SLC44A5: variants seen among roughly 807,000 people sequenced by gnomAD.
The protein encoded by SLC44A5 is choline transporter-like protein 5.
In SLC44A5, 57 loss-of-function variants were observed where a neutral mutation model predicts 101.8. The observed-to-expected ratio is 0.56, with a 90% CI of 0.45 to 0.70. The LOEUF (loss-of-function observed/expected upper bound fraction) is 0.70. SLC44A5 is among the 30% of genes least tolerant of loss of function. The pLI is 0.00. For missense variants in SLC44A5, 737 were observed against 853.1 expected (o/e 0.86, Z 1.70); for synonymous variants, 281 against 290.9 (o/e 0.97, Z 0.35).
At chr1:75,478,377 G>C (rs1231018487) in intron 2 of SLC44A5, among the ~76,000 whole-genome samples, 1 of 152,182 alleles carries the variant, frequency 6.6e-6, no homozygotes, top group Admixed American at 6.5e-5. Context: ...ACATCATAAT[G>C]ACAGGATCAA....
intron 1 of SLC44A5, among the ~76,000 whole-genome samples, chr1:75,595,222 A>G (rs1674567535): frequency 6.6e-6 from 1 of 152,122 alleles, no homozygotes; most frequent in Non-Finnish European, 1.5e-5. Context: ...GTATTAACTA[A>G]AGACTAACTC....
intron 2 of SLC44A5, among the ~76,000 whole-genome samples, chr1:75,503,421 C>CA (rs962456417): frequency 3.3e-5 from 5 of 152,022 alleles, no homozygotes; most frequent in Non-Finnish European, 7.4e-5. Context: ...AAGTGTGTAA[C>CA]ACTTCCCCCT....
chr1:75,678,420 C>T, the SLC44A5 span, among the ~76,000 whole-genome samples: 27 of 152,258 alleles, frequency 1.8e-4, no homozygotes, highest in South Asian at 4.1e-4. Flanking sequence ...GATCTGAGAA[C>T]GGGCAGATTG....
At chr1:75,227,193 C>A (rs1401738298) in intron 13 of SLC44A5, among the ~76,000 whole-genome samples, 1 of 151,926 alleles carries the variant, frequency 6.6e-6, no homozygotes, top group Non-Finnish European at 1.5e-5. Flanking sequence ...AGGGAGACCC[C>A]ATCTCTACAA....
At chr1:75,205,439 T>G (rs951125758) in intron 23 of SLC44A5, 2 of 152,210 alleles carry the variant, frequency 1.3e-5, no homozygotes, top group Non-Finnish European at 2.9e-5. Flanking sequence ...CATACACATT[T>G]GCACACAGGG....
intron 1 of SLC44A5, among the ~76,000 whole-genome samples, chr1:75,598,890 A>G (rs921295751): frequency 6.6e-6 from 1 of 152,192 alleles, no homozygotes; most frequent in East Asian, 1.9e-4. Flanking sequence ...AAGTTCACCT[A>G]TGTAACAAAC....
chr1:75,608,202 C>CAA (rs139572909), intron 1 of SLC44A5, among the ~76,000 whole-genome samples: 71 of 149,018 alleles, frequency 4.8e-4, no homozygotes, highest in Non-Finnish European at 8.3e-4. Context: ...AAACAAAAAA[C>CAA]AAAAAAAAAC....
rs183255199 is a variant in SLC44A5 at position 75,218,113 on chromosome 1, A to G, written c.1530-153T>C. ...CTTATTTAGATTGATAAAAGTCTCT[A>G]TAGAGGATTTTAAACCATATACATC... On this transcript the variant is annotated intron_variant, in intron 17 of 23. Transcript: ENST00000370859. Among the ~76,000 whole-genome samples, 253 of 152,270 alleles carry G rather than the reference A, an allele frequency of 1.7e-3. 1 individual carries two copies. The highest frequency in any genetic ancestry group is 5.9e-3 in the African/African-American group (246 of 41,572).
At chr1:75,328,536 C>G (rs1164559770) in intron 4 of SLC44A5, among the ~76,000 whole-genome samples, 1 of 152,162 alleles carries the variant, frequency 6.6e-6, no homozygotes. Context: ...GGGCTACCTC[C>G]CCTATGCCCC....
the SLC44A5 span, among the ~76,000 whole-genome samples, chr1:75,669,227 C>T: frequency 6.8e-6 from 1 of 147,846 alleles, no homozygotes; most frequent in Non-Finnish European, 1.5e-5. Context: ...ATGATGCTTC[C>T]TTAAATCTCA....
the SLC44A5 span, among the ~76,000 whole-genome samples, chr1:75,705,549 CTGAT>C: frequency 6.6e-6 from 1 of 152,152 alleles, no homozygotes. Context: ...CGTGCATTCT[CTGAT>C]TTTTTTAAAT....
At chr1:75,709,890 A>G in the SLC44A5 span, 1 of 152,352 alleles carries the variant, frequency 6.6e-6, no homozygotes, top group South Asian at 2.1e-4. Context: ...ATATCCATCA[A>G]TGAATTCTGG....
At chr1:75,334,930 G>A (rs1281231508) in intron 4 of SLC44A5, among the ~76,000 whole-genome samples, 1 of 152,098 alleles carries the variant, frequency 6.6e-6, no homozygotes, top group East Asian at 1.9e-4. Context: ...ATAATACCAC[G>A]TTGTAGTTAG....
At chr1:75,602,481 A>G (rs905347568) in intron 1 of SLC44A5, among the ~76,000 whole-genome samples, 1 of 152,188 alleles carries the variant, frequency 6.6e-6, no homozygotes, top group African/African-American at 2.4e-5. Context: ...GCTGTGCTTT[A>G]TAATTTCAAG....
intron 2 of SLC44A5, among the ~76,000 whole-genome samples, chr1:75,430,306 A>G (rs558012677): frequency 1.3e-5 from 2 of 152,284 alleles, no homozygotes; most frequent in Admixed American, 6.5e-5. Context: ...TCTTGGAAGC[A>G]GAGACCAGTC....
chr1:75,610,426 TTAA>T (rs1336891157), intron 1 of SLC44A5, among the ~76,000 whole-genome samples: 1 of 152,096 alleles, frequency 6.6e-6, no homozygotes, highest in Non-Finnish European at 1.5e-5. Context: ...GGCTGAAATG[TTAA>T]TAATATCTGT....
intron 2 of SLC44A5, among the ~76,000 whole-genome samples, chr1:75,429,716 G>A (rs1467280561): frequency 3.3e-5 from 5 of 152,130 alleles, no homozygotes; most frequent in African/African-American, 1.2e-4. Context: ...GAGAGAGTGA[G>A]AGATCAAGCA....
chr1:75,240,017 G>A (rs1648476510), intron 9 of SLC44A5, among the ~76,000 whole-genome samples: 1 of 151,954 alleles, frequency 6.6e-6, no homozygotes, highest in African/African-American at 2.4e-5. Context: ...CCTATCTAGA[G>A]GGTCCCTTGA....
intron 2 of SLC44A5, among the ~76,000 whole-genome samples, chr1:75,411,829 C>T (rs1438179948): frequency 6.6e-6 from 1 of 152,120 alleles, no homozygotes; most frequent in Non-Finnish European, 1.5e-5. Context: ...ACAGCTGTCA[C>T]AGCACAATGA....
Sources: allele counts gnomAD v4.1 joint callset (sites outside exome capture counted in the v4.1 genomes callset), GRCh38; gene constraint gnomAD v4.1.1; transcripts MANE v1.5; gene names NCBI Gene and HGNC (gene_info 2026-07-23, HGNC 2026-07-21).